PDHA1: variants seen among roughly 807,000 people sequenced by gnomAD.
The protein encoded by PDHA1 is pyruvate dehydrogenase E1 subunit alpha 1.
PDHA1 carries 1 observed loss-of-function variant against 33.0 expected under a neutral mutation model. That is an observed-to-expected ratio of 0.03 (90% CI 0.01 to 0.14). PDHA1 has a LOEUF of 0.14. Among genes scored for constraint, PDHA1 ranks in the 10% least tolerant of loss-of-function variants. The pLI is 1.00. For synonymous variants in PDHA1, 123 were observed against 119.2 expected, an observed-to-expected ratio of 1.03 and a Z score of -0.21; for missense variants, 168 against 325.1, an observed-to-expected ratio of 0.52 and a Z score of 3.72.
intron 1 of PDHA1, among the ~76,000 whole-genome samples, chrX:19,347,920 G>A (rs1392981896): frequency 8.9e-6 from 1 of 112,326 alleles, no homozygotes; most frequent in Non-Finnish European, 1.9e-5. Flanking sequence ...GTCATTGTCT[G>A]TGTTTGTTGG....
rs757071068 is a variant in PDHA1, at chrX:19,349,387, C to G, written c.117+16C>G. The G allele has an allele frequency of 1.9e-6, 2 of 1,046,926 alleles. No individual in the cohort carries two copies. Among genetic ancestry groups the G allele is most frequent in the South Asian group, 3.8e-5 (2 of 53,178 alleles). 86.3% of individuals were successfully genotyped at this position (1,046,926 alleles called of 1,213,427 possible). A position where few individuals can be genotyped will look rare whatever the true frequency, so the allele number is the denominator to read the frequency against. On this transcript the variant is annotated intron_variant, in intron 2 of 10. Transcript: ENST00000422285. ...TGAAATTAAGGTAAGAGGTGTTTTA[C>G]TTTGTTAATAATTTTTTCACAGGTA...
intron 1 of PDHA1, among the ~76,000 whole-genome samples, chrX:19,344,525 C>T (rs1224513876): frequency 8.8e-6 from 1 of 113,348 alleles, no homozygotes; most frequent in Non-Finnish European, 1.9e-5. Flanking sequence ...TGGCTTCGTT[C>T]AAACAGCACC....
At chrX:19,349,483 A>G (rs980740138) in intron 2 of PDHA1, 112 bp downstream of exon 2, 2 of 548,345 alleles carry the variant, frequency 3.6e-6, no homozygotes, top group Non-Finnish European at 3.1e-6. Flanking sequence ...ATTTTCTTCT[A>G]AATGTTCCAG....
chrX:19,346,533 C>A, intron 1 of PDHA1: 1 of 562,042 alleles, frequency 1.8e-6, no homozygotes, highest in Non-Finnish European at 2.8e-6. Context: ...CTACGTTGCC[C>A]AGTCTGGTCT....
chrX:19,348,946 AAAAC>A (rs1335124225), intron 1 of PDHA1, among the ~76,000 whole-genome samples: 7 of 112,447 alleles, frequency 6.2e-5, no homozygotes, highest in East Asian at 5.6e-4. Context: ...ACTCCGTCTC[AAAAC>A]AAACAAACAA....
At chrX:19,344,640 TA>T (rs2063118345) in intron 1 of PDHA1, among the ~76,000 whole-genome samples, 1 of 113,281 alleles carries the variant, frequency 8.8e-6, no homozygotes, top group African/African-American at 3.2e-5. Flanking sequence ...TAAATGGAGA[TA>T]AGAGTTATCT....
intron 1 of PDHA1, 77 bp downstream of exon 1, chrX:19,344,171 G>C: frequency 1.1e-6 from 1 of 929,244 alleles, no homozygotes; most frequent in Non-Finnish European, 1.5e-6. Flanking sequence ...GGGCCAGGCC[G>C]GGCCACCCAG....
chrX:19,361,361 C>T lies in PDHA1; in HGVS notation c.*1708C>T. 1 of 1,207,554 alleles carries T rather than the reference C, an allele frequency of 8.3e-7. No homozygotes were observed. The highest frequency in any genetic ancestry group is 1.1e-6 in the Non-Finnish European group (1 of 892,114). ...TACCGTAGTCGAAGGTATCTTAGATCTTCCTTAGTGATCTCATTAAGAATA... is the reference window on the plus strand; with the variant it reads ...TACCGTAGTCGAAGGTATCTTAGATTTTCCTTAGTGATCTCATTAAGAATA... On this transcript the variant is annotated 3_prime_UTR_variant, in exon 11 of 11. Transcript: ENST00000422285.
Position 19,359,743 on chromosome X carries a change from T to TTCAATGAAATTCTTGGAAACTTCC in PDHA1, c.*91_*114dup. 1.2e-6 allele frequency: 1 copy of TTCAATGAAATTCTTGGAAACTTCC among 867,662 alleles called. No homozygotes were observed. The highest frequency in any genetic ancestry group is 1.9e-5 in the African/African-American group (1 of 51,362). The allele number at this position is 867,662 out of a possible 1,213,427, so 71.5% of individuals were successfully genotyped here. A position where few individuals can be genotyped will look rare whatever the true frequency, so the allele number is the denominator to read the frequency against. Reference sequence around the variant, plus strand: ...GAGGAAGAAAACCCAGTCAATGAAATTCAATGAAATTCTTGGAAACTTCCA... The same window carrying TTCAATGAAATTCTTGGAAACTTCC: ...GAGGAAGAAAACCCAGTCAATGAAATTCAATGAAATTCTTGGAAACTTCCTCAATGAAATTCTTGGAAACTTCCA... On this transcript the variant is annotated 3_prime_UTR_variant, in exon 11 of 11. Coordinates refer to ENST00000422285, the MANE Select transcript of PDHA1 (RefSeq NM_000284.4).
intron 5 of PDHA1, among the ~76,000 whole-genome samples, chrX:19,353,730 ATAAG>A (rs1257603152): frequency 6.3e-5 from 7 of 111,632 alleles, no homozygotes; most frequent in Non-Finnish European, 1.3e-4. Context: ...CTGCTGTTTT[ATAAG>A]TAAGCAGGAA....
At chrX:19,350,238 T>C (rs1203201361) in intron 3 of PDHA1, 128 bp downstream of exon 3, 5 of 559,358 alleles carry the variant, frequency 8.9e-6, no homozygotes, top group Non-Finnish European at 1.2e-5. Context: ...CTTTTATTTA[T>C]TTATTTTTTT....
At position 19,360,805 on chromosome X, in the gene PDHA1, C is replaced by T. The variant is rs147753175; in HGVS notation, c.*1152C>T. On this transcript the variant is annotated 3_prime_UTR_variant, in exon 11 of 11. Coordinates refer to ENST00000422285, the MANE Select transcript of PDHA1 (RefSeq NM_000284.4). Reference sequence around the variant, plus strand: ...TGAGCCCTTCTGTACTGGGAGACCGCACTCCAGAGTCTGCAGAGGAGACCA... The same window carrying T: ...TGAGCCCTTCTGTACTGGGAGACCGTACTCCAGAGTCTGCAGAGGAGACCA... The T allele has an allele frequency of 1.4e-5, 17 of 1,207,458 alleles. No homozygotes were observed. The highest frequency in any genetic ancestry group is 1.8e-5 in the African/African-American group (1 of 57,064).
At chrX:19,353,023 T>G in intron 4 of PDHA1, 59 bp from the exon 5 acceptor site, 1 of 957,221 alleles carries the variant, frequency 1.0e-6, no homozygotes, top group Non-Finnish European at 1.5e-6. Flanking sequence ...TGGGGTGCGG[T>G]TTGGTTTGCT....
At chrX:19,349,644 A>C (rs2063153246) in intron 2 of PDHA1, among the ~76,000 whole-genome samples, 1 of 112,319 alleles carries the variant, frequency 8.9e-6, no homozygotes, top group Non-Finnish European at 1.9e-5. Flanking sequence ...GAAATATTTG[A>C]ATAAGAAGAG....
rs1195527458 is a variant in PDHA1, at chrX:19,358,910, C to T, written c.900-6C>T. The T allele has an allele frequency of 8.3e-6, 9 of 1,089,313 alleles. No homozygotes were observed. The highest frequency in any genetic ancestry group is 1.8e-5 in the African/African-American group (1 of 54,781). 89.8% of individuals were successfully genotyped at this position (1,089,313 alleles called of 1,213,427 possible). A position where few individuals can be genotyped will look rare whatever the true frequency, so the allele number is the denominator to read the frequency against. ...CTGATCGATTACTACTTTTCCCTCCCCATAGTTACCGTACACGAGAAGAAA... is the reference window on the plus strand; with the variant it reads ...CTGATCGATTACTACTTTTCCCTCCTCATAGTTACCGTACACGAGAAGAAA... On this transcript the variant is annotated splice_polypyrimidine_tract_variant and splice_region_variant and intron_variant, in intron 9 of 10. Coordinates refer to ENST00000422285, the MANE Select transcript of PDHA1 (RefSeq NM_000284.4).
rs1239064382 is a variant in PDHA1 at position 19,355,301 on chromosome X, G to A, written c.604-48G>A. 8.5e-6 allele frequency: 10 copies of A among 1,181,347 alleles called. No individual in the cohort carries two copies. The East Asian group carries it at 2.4e-4, about 28-fold the overall frequency. On this transcript the variant is annotated intron_variant, in intron 6 of 10. Transcript: ENST00000422285. The stretch of plus-strand genomic sequence containing the variant: ...AGCAGCAGCTGTTAGAGATGATGAA[G>A]CCTGGAGAAAGAAGCCAAATGAAAC...
In PDHA1 at chrX:19,355,334, C is replaced by T. The variant is rs13440874; in HGVS notation, c.604-15C>T. The T allele has an allele frequency of 0.033, 39,447 of 1,208,721 alleles. 667 individuals carry two copies. The highest frequency in any genetic ancestry group is 0.14 in the South Asian group (7,948 of 56,812). Reference sequence around the variant, plus strand: ...AAAGAAGCCAAATGAAACCCCTTTTCGTAACTACTTCCAGGGCCAGATATT... The same window carrying T: ...AAAGAAGCCAAATGAAACCCCTTTTTGTAACTACTTCCAGGGCCAGATATT... On this transcript the variant is annotated splice_polypyrimidine_tract_variant and intron_variant, in intron 6 of 10. Coordinates refer to ENST00000422285, the MANE Select transcript of PDHA1 (RefSeq NM_000284.4).
At chrX:19,355,858 T>G in intron 8 of PDHA1, 101 bp downstream of exon 8, 1 of 611,779 alleles carries the variant, frequency 1.6e-6, no homozygotes, top group Non-Finnish European at 2.8e-6. Context: ...ACCTGCTAAT[T>G]GAGGTGCATG....
chrX:19,351,245 C>T, intron 3 of PDHA1, 36 bp from the exon 4 acceptor site: 1 of 1,192,728 alleles, frequency 8.4e-7, no homozygotes, highest in Non-Finnish European at 1.1e-6. Context: ...AAACATGTAT[C>T]ATATTGCCTC....
Sources: gnomAD v4.1 joint callset for allele counts (sites outside exome capture counted in the v4.1 genomes callset) on GRCh38, gnomAD v4.1.1 for gene constraint, MANE v1.5 for transcripts, NCBI Gene and HGNC (gene_info 2026-07-23, HGNC 2026-07-21) for gene names.